Variants in MYCBP2 observed in about 807,000 individuals in gnomAD.
The protein encoded by MYCBP2 is E3 ubiquitin-protein ligase MYCBP2.
In MYCBP2, 120 loss-of-function variants were observed where a neutral mutation model predicts 525.3. The observed-to-expected ratio is 0.23, with a 90% CI of 0.20 to 0.27. MYCBP2 has a LOEUF of 0.27. Ranked by LOEUF, MYCBP2 falls within the 10% of genes least tolerant of loss-of-function variation. The pLI, the probability that MYCBP2 is intolerant of heterozygous loss-of-function variation, is 1.00. For missense variants in MYCBP2, 4,149 were observed against 5,657.1 expected (o/e 0.73, Z 8.55); for synonymous variants, 1,894 against 1,955.8 (o/e 0.97, Z 0.83).
intron 17 of MYCBP2, among the ~76,000 whole-genome samples, chr13:77,239,836 T>A (rs72628062): frequency 0.1 from 15,412 of 152,216 alleles, 828 homozygotes; most frequent in East Asian, 0.15. Flanking sequence ...AAATATTTTT[T>A]AAAAAGCAAA....
At chr13:77,106,042 G>A (rs1042245598) in intron 55 of MYCBP2, among the ~76,000 whole-genome samples, 15 of 152,020 alleles carry the variant, frequency 9.9e-5, no homozygotes, top group African/African-American at 7.2e-5. Flanking sequence ...AATAAGGAAC[G>A]CATTCTCATT....
At chr13:77,115,695 C>A (rs1049144341) in intron 55 of MYCBP2, among the ~76,000 whole-genome samples, 10 of 149,728 alleles carry the variant, frequency 6.7e-5, no homozygotes, top group South Asian at 4.2e-4. Flanking sequence ...AAAAAAAAAA[C>A]CAAAGAATTA....
intron 17 of MYCBP2, 95 bp from the exon 18 acceptor site, chr13:77,233,358 T>G: frequency 9.7e-7 from 1 of 1,028,066 alleles, no homozygotes; most frequent in Non-Finnish European, 1.5e-6. Context: ...GCATAAAAAT[T>G]TATTCTTAAC....
chr13:77,077,874 A>G (rs1013682859), intron 66 of MYCBP2: 2 of 153,142 alleles, frequency 1.3e-5, no homozygotes, highest in African/African-American at 4.8e-5. Flanking sequence ...AAATTACATA[A>G]TATGTAACTT....
chr13:77,301,213 G>A (rs542130664), intron 1 of MYCBP2, among the ~76,000 whole-genome samples: 2 of 151,948 alleles, frequency 1.3e-5, no homozygotes, highest in South Asian at 2.1e-4. Context: ...TCAGGAGTTC[G>A]AGACCAGCTT....
At position 77,098,995 on chromosome 13, in the gene MYCBP2, G is replaced by T; in HGVS notation, c.8159C>A (p.Ser2720Ter). 1 of 1,607,722 alleles carries T rather than the reference G, an allele frequency of 6.2e-7. No individual in the cohort carries two copies. ...GNSKGDRGNI[S>*]TSSKPASTSG... Reference sequence around the variant, plus strand: ...TGTAGAGGCTGGTTTAGAAGATGTTGAGATGTTTCCTCGATCACCTGTATG... The same window carrying T: ...TGTAGAGGCTGGTTTAGAAGATGTTTAGATGTTTCCTCGATCACCTGTATG... The change falls in exon 56 of 83, where the codon TCA (serine) becomes TAA (stop). Residue 2720 changes from serine (S) to a stop codon, truncating the protein, a stop_gained. Coordinates refer to ENST00000544440, the MANE Select transcript of MYCBP2 (RefSeq NM_015057.5). LOFTEE classifies it high-confidence loss of function.
intron 23 of MYCBP2, among the ~76,000 whole-genome samples, 166 bp from the exon 24 acceptor site, chr13:77,206,991 A>G (rs1020599164): frequency 5.3e-5 from 8 of 152,254 alleles, no homozygotes; most frequent in Non-Finnish European, 1.0e-4. Context: ...TAAAAAAACT[A>G]TATCACTAAA....
chr13:77,143,613 G>A (rs754512922), intron 49 of MYCBP2, among the ~76,000 whole-genome samples: 5 of 152,144 alleles, frequency 3.3e-5, no homozygotes, highest in Non-Finnish European at 5.9e-5. Flanking sequence ...ATAATTGTGC[G>A]AGCCAATTTC....
At chr13:77,309,423 C>T (rs1418576200) in intron 1 of MYCBP2, among the ~76,000 whole-genome samples, 4 of 152,128 alleles carry the variant, frequency 2.6e-5, no homozygotes. Flanking sequence ...CAGGCTAGAA[C>T]TTAAGAAAAG....
chr13:77,136,242 C>A (rs1349156750), intron 52 of MYCBP2, among the ~76,000 whole-genome samples: 1 of 152,234 alleles, frequency 6.6e-6, no homozygotes, highest in Non-Finnish European at 1.5e-5. Context: ...TCCACGTGCA[C>A]TGCACTTCAG....
chr13:77,061,319 A>T lies in MYCBP2; in HGVS notation c.12904-18T>A. 6.3e-7 allele frequency: 1 copy of T among 1,580,654 alleles called. No homozygotes were observed. Among genetic ancestry groups the T allele is most frequent in the Non-Finnish European group, 8.6e-7 (1 of 1,166,146 alleles). On this transcript the variant is annotated intron_variant, in intron 75 of 82. Coordinates refer to ENST00000544440, the MANE Select transcript of MYCBP2 (RefSeq NM_015057.5). ...TTGAAGACCTATTATTTCATTAAAG[A>T]ACAGGGAAAAATATGCTTATTTATC... is the stretch of plus-strand genomic sequence containing the variant.
At chr13:77,082,130 G>T in intron 63 of MYCBP2, 137 bp from the exon 64 acceptor site, 1 of 727,320 alleles carries the variant, frequency 1.4e-6, no homozygotes, top group Non-Finnish European at 2.1e-6. Flanking sequence ...AAAATTCAGG[G>T]AAGAAAATCA....
intron 40 of MYCBP2, among the ~76,000 whole-genome samples, chr13:77,167,592 C>G (rs2058685240): frequency 6.6e-6 from 1 of 152,146 alleles, no homozygotes; most frequent in Non-Finnish European, 1.5e-5. Flanking sequence ...GATTCTAACT[C>G]AAATTATTAA....
At position 77,326,542 on chromosome 13, in the gene MYCBP2, C is replaced by G; in HGVS notation, c.234G>C (p.Arg78=). The G allele has an allele frequency of 2.5e-6, 4 of 1,598,056 alleles. No individual in the cohort carries two copies. Among genetic ancestry groups the G allele is most frequent in the Non-Finnish European group, 3.4e-6 (4 of 1,172,792 alleles). ...CATTGAGCGCAGCGGTATAAATCCT[C>G]CGGTAGCGGTCGGCCAGGGCCCGGC... ...LSGRALADRY[R]RIYTAALNDR... The change falls in exon 1 of 83, where the codon CGG becomes CGC. Residue 78 remains arginine, a synonymous_variant. Transcript: ENST00000544440. The surrounding 1 kb of genome is among the most constrained non-coding windows in gnomAD (Gnocchi z 4.2).
intron 55 of MYCBP2, chr13:77,118,259 ATAAC>A (rs2050115799): frequency 1.6e-6 from 1 of 625,052 alleles, no homozygotes; most frequent in Non-Finnish European, 2.9e-6. Context: ...AGGTGAGTTG[ATAAC>A]TAATTAGTAA....
intron 75 of MYCBP2, 118 bp downstream of exon 75, chr13:77,061,544 C>T (rs1594129409): frequency 8.1e-7 from 1 of 1,233,738 alleles, no homozygotes; most frequent in East Asian, 2.6e-5. Flanking sequence ...GCTGTGAACT[C>T]AACCAAGGTC....
chr13:77,045,333 G>T lies in MYCBP2; in HGVS notation c.*45C>A. 2 of 1,403,340 alleles carry T rather than the reference G, an allele frequency of 1.4e-6. No homozygotes were observed. Among genetic ancestry groups the T allele is most frequent in the African/African-American group, 1.4e-5 (1 of 70,566 alleles). 86.9% of individuals were successfully genotyped at this position (1,403,340 alleles called of 1,614,324 possible). A position where few individuals can be genotyped will look rare whatever the true frequency, so the allele number is the denominator to read the frequency against. ...TTAAACTTCACCGCATCCTCTTGGG[G>T]GATGAAGGCAATTTTTCTCTCTGTA... On this transcript the variant is annotated 3_prime_UTR_variant, in exon 83 of 83. Transcript: ENST00000544440.
rs1299085485 is a variant in MYCBP2 at position 77,174,942 on chromosome 13, A to G, written c.5473-453T>C. The stretch of plus-strand genomic sequence containing the variant: ...TATTATATATATATAATATATATAT[A>G]TTTTATATATTATATATATATATTT... On this transcript the variant is annotated intron_variant, in intron 36 of 82. Coordinates refer to ENST00000544440, the MANE Select transcript of MYCBP2 (RefSeq NM_015057.5). 4.6e-4 allele frequency among the ~76,000 whole-genome samples: 11 copies of G among 24,138 alleles called. No individual in the cohort carries two copies. In the Admixed American group the frequency reaches 6.4e-3, roughly 14 times the overall value. 15.8% of individuals were successfully genotyped at this position (24,138 alleles called of 152,430 possible).
intron 17 of MYCBP2, among the ~76,000 whole-genome samples, chr13:77,240,561 T>C (rs1210081969): frequency 2.0e-5 from 3 of 152,104 alleles, no homozygotes; most frequent in Non-Finnish European, 2.9e-5. Flanking sequence ...TGGGCCAAGA[T>C]TGTGCAGCTG....
Sources: gnomAD v4.1 joint callset for allele counts (sites outside exome capture counted in the v4.1 genomes callset) on GRCh38, gnomAD v4.1.1 for gene constraint, Gnocchi (gnomAD v3.1) non-coding constraint, MANE v1.5 for transcripts, NCBI Gene and HGNC (gene_info 2026-07-23, HGNC 2026-07-21) for gene names.